NEDD4: variants seen among roughly 807,000 people sequenced by gnomAD.
NEDD4 encodes E3 ubiquitin-protein ligase NEDD4.
Under a neutral mutation model 144.9 loss-of-function variants are expected in NEDD4, and 99 were observed. The ratio of observed to expected loss-of-function variants is 0.68; its 90% CI spans 0.58 to 0.81. The LOEUF (loss-of-function observed/expected upper bound fraction) is 0.81. Ranked by LOEUF, NEDD4 falls within the 30% of genes least tolerant of loss-of-function variation. The pLI, the probability that NEDD4 is intolerant of heterozygous loss-of-function variation, is 0.00. For synonymous variants in NEDD4, 318 were observed against 350.6 expected (o/e 0.91, Z 1.04); for missense variants, 985 against 1,065.9 (o/e 0.92, Z 1.06).
intron 4 of NEDD4, among the ~76,000 whole-genome samples, chr15:55,925,062 C>T (rs1329919202): frequency 6.6e-6 from 1 of 152,142 alleles, no homozygotes; most frequent in Admixed American, 6.5e-5. Context: ...AGAGAGACTC[C>T]ATCTCAAGAA....
intron 24 of NEDD4, among the ~76,000 whole-genome samples, chr15:55,835,940 G>A (rs919104069): frequency 6.6e-6 from 1 of 152,052 alleles, no homozygotes; most frequent in Admixed American, 6.5e-5. Flanking sequence ...AGAAAACTCC[G>A]AACTCTACCA....
intron 2 of NEDD4, among the ~76,000 whole-genome samples, chr15:55,956,985 T>C (rs1409441017): frequency 1.3e-5 from 2 of 152,352 alleles, no homozygotes; most frequent in South Asian, 2.1e-4. Context: ...CACTGTTTTA[T>C]AGTTTTCAGT....
chr15:55,917,559 GATACAT>G (rs2036486704), intron 5 of NEDD4, among the ~76,000 whole-genome samples: 1 of 151,796 alleles, frequency 6.6e-6, no homozygotes, highest in Admixed American at 6.6e-5. Flanking sequence ...ACATCAAATA[GATACAT>G]ATTTTAGCTT....
chr15:55,863,054 G>T lies in NEDD4; in HGVS notation c.533C>A (p.Pro178Gln). Residue 178 changes from proline to glutamine, a missense_variant, in exon 9 of 29, where the codon CCA (proline) becomes CAA (glutamine). Coordinates refer to ENST00000435532, the MANE Select transcript of NEDD4 (RefSeq NM_006154.4). ...TTGCTGCAAATGGCAAGCAGCATCT[G>T]GTTGGTCCAAAACAACCCAGCCAGG... ...LEPGWVVLDQ[P>Q]DAACHLQQQQ... 2 of 1,601,492 alleles carry T rather than the reference G, an allele frequency of 1.2e-6. No homozygotes were observed. The highest frequency in any genetic ancestry group is 1.7e-6 in the Non-Finnish European group (2 of 1,171,792).
chr15:55,906,895 A>T (rs181495719), intron 5 of NEDD4, among the ~76,000 whole-genome samples: 132 of 152,260 alleles, frequency 8.7e-4, no homozygotes, highest in Non-Finnish European at 1.6e-3. Flanking sequence ...CAGAGGTTCA[A>T]GACCAGCCTG....
intron 4 of NEDD4, among the ~76,000 whole-genome samples, chr15:55,930,872 T>C (rs1421096171): frequency 5.9e-5 from 9 of 152,198 alleles, no homozygotes; most frequent in East Asian, 1.9e-4. Context: ...TCCCCAGCCA[T>C]GTGGAACTGT....
At chr15:55,847,632 T>C (rs998679761) in intron 17 of NEDD4, among the ~76,000 whole-genome samples, 26 of 152,052 alleles carry the variant, frequency 1.7e-4, no homozygotes, top group South Asian at 6.2e-4. Context: ...AGTGTGGATG[T>C]GTCTTACATA....
Position 55,834,136 on chromosome 15 carries a change from A to C in NEDD4, c.2332T>G (p.Cys778Gly). Residue 778 changes from cysteine to glycine, a missense_variant, in exon 26 of 29, where the codon TGT (cysteine) becomes GGT (glycine). Cys to Gly is a radical substitution (Grantham distance 159). Coordinates refer to ENST00000435532, the MANE Select transcript of NEDD4 (RefSeq NM_006154.4). ...TTCACATCAACATCTCCCAGTCCAC[A>C]CATAAGAAGCTACATAAGAAATGTC... Reference protein sequence around the residue: ...FDENELELLMCGLGDVDVNDW... With the variant: ...FDENELELLMGGLGDVDVNDW... The C allele has an allele frequency of 1.2e-6, 2 of 1,613,306 alleles. No individual in the cohort carries two copies. The highest frequency in any genetic ancestry group is 1.7e-6 in the Non-Finnish European group (2 of 1,179,740).
Position 55,874,004 on chromosome 15 carries a change from CTT to C in NEDD4, c.294_295del (p.Asp100Ter). On this transcript the variant is annotated frameshift_variant and splice_region_variant, in exon 6 of 29. Coordinates refer to ENST00000435532, the MANE Select transcript of NEDD4 (RefSeq NM_006154.4). LOFTEE classifies it high-confidence loss of function. ...ATCCACTTGACCTAGGAAATCATCTCTTGTCTATAAGAGAAGGAAGAAAAAAT... is the reference window on the plus strand; with the variant it reads ...ATCCACTTGACCTAGGAAATCATCTCGTCTATAAGAGAAGGAAGAAAAAAT... The C allele has an allele frequency of 1.3e-6, 2 of 1,526,266 alleles. No individual in the cohort carries two copies. The highest frequency in any genetic ancestry group is 1.8e-6 in the Non-Finnish European group (2 of 1,125,454). 94.5% of individuals were successfully genotyped at this position (1,526,266 alleles called of 1,614,324 possible). A position where few individuals can be genotyped will look rare whatever the true frequency, so the allele number is the denominator to read the frequency against.
chr15:55,905,611 A>G (rs2036063757), intron 5 of NEDD4, among the ~76,000 whole-genome samples: 1 of 152,260 alleles, frequency 6.6e-6, no homozygotes, highest in African/African-American at 2.4e-5. Context: ...TCAGAGAAAT[A>G]AGAGATTGTA....
At chr15:55,907,942 T>C (rs574897448) in intron 5 of NEDD4, among the ~76,000 whole-genome samples, 36 of 152,304 alleles carry the variant, frequency 2.4e-4, no homozygotes, top group Non-Finnish European at 4.7e-4. Flanking sequence ...CTGTGGAAAC[T>C]AATCCTTGAG....
chr15:55,837,951 G>A (rs1347697769), intron 23 of NEDD4, 102 bp from the exon 24 acceptor site: 1 of 1,021,148 alleles, frequency 9.8e-7, no homozygotes, highest in East Asian at 2.6e-5. Context: ...TGAGACCAAG[G>A]TAAAAGCTGA....
rs778430347 is a variant in NEDD4, at chr15:55,869,669, T to G, written c.417A>C (p.Arg139Ser). ...TTTTTAGTCTCAGATAACCTTTAAC[T>G]CTTGATTTGTGACTGTAGAAAAGAA... ...FVLHPRSHKS[R>S]VKGYLRLKMT... The change falls in exon 8 of 29, where the codon AGA becomes AGC. Residue 139 changes from arginine (R) to serine (S), a missense_variant. Coordinates refer to ENST00000435532, the MANE Select transcript of NEDD4 (RefSeq NM_006154.4). The G allele has an allele frequency of 6.5e-7, 1 of 1,545,150 alleles. No individual in the cohort carries two copies. The highest frequency in any genetic ancestry group is 1.2e-5 in the South Asian group (1 of 84,398).
At chr15:55,843,131 C>A (rs1291769433) in intron 18 of NEDD4, among the ~76,000 whole-genome samples, 1 of 152,166 alleles carries the variant, frequency 6.6e-6, no homozygotes, top group African/African-American at 2.4e-5. Context: ...CTCCTCCTTG[C>A]CTTCTGCCAT....
Position 55,993,606 on chromosome 15 carries a change from C to A in NEDD4, c.-51G>T, listed in dbSNP as rs1395203343. The A allele has an allele frequency of 2.5e-6, 4 of 1,578,792 alleles. No individual in the cohort carries two copies. The highest frequency in any genetic ancestry group is 3.4e-6 in the Non-Finnish European group (4 of 1,166,142). On this transcript the variant is annotated 5_prime_UTR_variant, in exon 1 of 29. Coordinates refer to ENST00000435532, the MANE Select transcript of NEDD4 (RefSeq NM_006154.4). ...CGCGCTCGCCCCCGCCCAGGGCAGG[C>A]AACTGTGGAGGAGGAGGAGGAGAAG... is the stretch of plus-strand genomic sequence containing the variant.
chr15:55,863,316 CA>C (rs1223757781), intron 8 of NEDD4, among the ~76,000 whole-genome samples: 1 of 151,214 alleles, frequency 6.6e-6, no homozygotes, highest in Non-Finnish European at 1.5e-5. Context: ...AAAAATTTTT[CA>C]AAAAAAACTT....
At chr15:55,848,734 A>G (rs1372984747) in intron 15 of NEDD4, 72 bp downstream of exon 15, 47 of 1,398,524 alleles carry the variant, frequency 3.4e-5, no homozygotes, top group Non-Finnish European at 4.5e-5. Context: ...GATGATAAAG[A>G]AATACTATAC....
intron 5 of NEDD4, chr15:55,916,746 C>G (rs1393273455): frequency 6.2e-7 from 1 of 1,613,970 alleles, no homozygotes; most frequent in Admixed American, 1.7e-5. Context: ...GTGAACATGG[C>G]TATCCAAGTC....
intron 2 of NEDD4, among the ~76,000 whole-genome samples, chr15:55,956,014 C>T (rs2037332331): frequency 2.0e-5 from 3 of 151,762 alleles, no homozygotes; most frequent in South Asian, 2.1e-4. Flanking sequence ...GAGACAGGGT[C>T]TTATCACCAG....
Sources: allele counts gnomAD v4.1 joint callset (sites outside exome capture counted in the v4.1 genomes callset), GRCh38; gene constraint gnomAD v4.1.1; transcripts MANE v1.5; gene names NCBI Gene and HGNC (gene_info 2026-07-23, HGNC 2026-07-21).